GRID2: variants seen among roughly 807,000 people sequenced by gnomAD.
The protein encoded by GRID2 is glutamate receptor ionotropic, delta-2.
In GRID2, 33 loss-of-function variants were observed where a neutral mutation model predicts 114.8. The ratio of observed to expected loss-of-function variants is 0.29; its 90% CI spans 0.22 to 0.38. The LOEUF is 0.38. Among genes scored for constraint, GRID2 ranks in the 10% least tolerant of loss-of-function variants. The pLI is 1.00. For missense variants in GRID2, 1,184 were observed against 1,257.7 expected (o/e 0.94, Z 0.89); for synonymous variants, 505 against 449.9 (o/e 1.12, Z -1.55).
rs117623536 is a variant in GRID2, at chr4:93,700,373, C to T, written c.2361-68837C>T. On this transcript the variant is annotated intron_variant, in intron 14 of 15. Transcript: ENST00000282020. ...AATCTCTTGGGCAGCTTCAGTCTCA[C>T]TGTGAAGGATTCACTCTTGAACATT... is the stretch of plus-strand genomic sequence containing the variant. 1.0e-3 allele frequency among the ~76,000 whole-genome samples: 156 copies of T among 152,286 alleles called. No individual in the cohort carries two copies. The East Asian group carries it at 0.017, about 17-fold the overall frequency.
At chr4:92,688,038 T>C (rs201468199) in intron 2 of GRID2, among the ~76,000 whole-genome samples, 2,184 of 60,478 alleles carry the variant, frequency 0.036, 23 homozygotes, top group South Asian at 0.089. Context: ...CTTCTTCTTC[T>C]TTTTTTTTTT....
At chr4:93,058,661 C>CA (rs1560835661) in intron 2 of GRID2, among the ~76,000 whole-genome samples, 2 of 151,884 alleles carry the variant, frequency 1.3e-5, no homozygotes, top group African/African-American at 2.4e-5. Flanking sequence ...TCCAAACTCT[C>CA]AATTTTTAAG....
intron 9 of GRID2, among the ~76,000 whole-genome samples, chr4:93,411,520 C>A (rs143201928): frequency 6.6e-6 from 1 of 151,758 alleles, no homozygotes; most frequent in South Asian, 2.1e-4. Flanking sequence ...CTGCAACCTC[C>A]GCCTCCCGGG....
At chr4:93,639,806 T>G (rs1721699353) in intron 14 of GRID2, among the ~76,000 whole-genome samples, 1 of 12,338 alleles carries the variant, frequency 8.1e-5, no homozygotes, top group Non-Finnish European at 1.3e-4. Context: ...CTTTTTTGGT[T>G]CCATATGAAC....
intron 1 of GRID2, among the ~76,000 whole-genome samples, chr4:92,348,663 G>C (rs2110178209): frequency 6.6e-6 from 1 of 152,256 alleles, no homozygotes; most frequent in African/African-American, 2.4e-5. Flanking sequence ...CATTCATAAT[G>C]CATTGCAAAG....
intron 1 of GRID2, among the ~76,000 whole-genome samples, chr4:92,522,785 A>G (rs1209012489): frequency 6.6e-6 from 1 of 151,994 alleles, no homozygotes; most frequent in Non-Finnish European, 1.5e-5. Flanking sequence ...CAAGGCAATG[A>G]CAGGACAGGT....
At chr4:93,638,447 A>C (rs1721631669) in intron 14 of GRID2, among the ~76,000 whole-genome samples, 2 of 40,458 alleles carry the variant, frequency 4.9e-5, no homozygotes, top group Admixed American at 3.8e-4. Flanking sequence ...TCCCAATGCT[A>C]TCCCACCCCC....
intron 3 of GRID2, among the ~76,000 whole-genome samples, chr4:93,094,817 A>T (rs2149333180): frequency 6.6e-6 from 1 of 152,186 alleles, no homozygotes; most frequent in Admixed American, 6.6e-5. Flanking sequence ...ACTGATAATT[A>T]GCCAAAATTG....
At chr4:93,215,460 T>C (rs1219606742) in intron 5 of GRID2, among the ~76,000 whole-genome samples, 1 of 152,148 alleles carries the variant, frequency 6.6e-6, no homozygotes, top group Admixed American at 6.6e-5. Flanking sequence ...GTAGATTACA[T>C]AGAATTTAAA....
At chr4:92,945,032 T>C (rs749959543) in intron 2 of GRID2, among the ~76,000 whole-genome samples, 1 of 152,202 alleles carries the variant, frequency 6.6e-6, no homozygotes, top group Non-Finnish European at 1.5e-5. Flanking sequence ...TTCAGTTACA[T>C]TCAGTGGTGG....
Position 92,428,059 on chromosome 4 carries a change from A to G in GRID2, c.88+123315A>G, listed in dbSNP as rs541506936. ...GGGCGGATCATGAGGTCAGGAGATC[A>G]AGACCATCCTGGCTAACACGGTGAA... On this transcript the variant is annotated intron_variant, in intron 1 of 15. Coordinates refer to ENST00000282020, the MANE Select transcript of GRID2 (RefSeq NM_001510.4). 3.2e-3 allele frequency among the ~76,000 whole-genome samples: 485 copies of G among 152,032 alleles called. 4 individuals carry two copies. Among genetic ancestry groups the G allele is most frequent in the African/African-American group, 0.011 (448 of 41,492 alleles).
chr4:92,344,821 G>A (rs1436476781), intron 1 of GRID2, among the ~76,000 whole-genome samples: 1 of 152,154 alleles, frequency 6.6e-6, no homozygotes, highest in Non-Finnish European at 1.5e-5. Flanking sequence ...GCCATCTTCT[G>A]TTTATTAGAA....
intron 2 of GRID2, among the ~76,000 whole-genome samples, chr4:92,848,413 G>T (rs1743499988): frequency 6.6e-6 from 1 of 151,276 alleles, no homozygotes; most frequent in Admixed American, 6.6e-5. Flanking sequence ...ATTCATTATT[G>T]TTTCTACTCC....
chr4:92,860,134 T>C (rs1744434317), intron 2 of GRID2, among the ~76,000 whole-genome samples: 1 of 152,094 alleles, frequency 6.6e-6, no homozygotes, highest in Non-Finnish European at 1.5e-5. Context: ...GAGAAGTTAA[T>C]TTTTAAATTG....
chr4:93,471,698 A>ATTTTTTTTTTTTTTTTGTTTT (rs1724817264), intron 11 of GRID2, among the ~76,000 whole-genome samples: 2 of 61,002 alleles, frequency 3.3e-5, no homozygotes, highest in African/African-American at 1.8e-4. Flanking sequence ...CCTGAATTCA[A>ATTTTTTTTTTTTTTTTGTTTT]TTTTTTTTTT....
chr4:93,625,222 C>T (rs1215730632), intron 13 of GRID2, among the ~76,000 whole-genome samples: 2 of 152,354 alleles, frequency 1.3e-5, no homozygotes, highest in East Asian at 3.9e-4. Context: ...CCCAAGGCGT[C>T]AGTAGCTCTT....
chr4:92,547,450 C>G (rs913989242), intron 1 of GRID2, among the ~76,000 whole-genome samples: 3 of 152,070 alleles, frequency 2.0e-5, no homozygotes, highest in Admixed American at 1.3e-4. Flanking sequence ...TTGGAACAAA[C>G]TTAGTGAGAT....
intron 11 of GRID2, among the ~76,000 whole-genome samples, chr4:93,487,748 C>T (rs1041467503): frequency 6.6e-6 from 1 of 151,836 alleles, no homozygotes; most frequent in African/African-American, 2.4e-5. Flanking sequence ...GGGTTATTTT[C>T]TTCTCCAGGA....
chr4:93,778,231 T>G (rs1371097184), downstream of GRID2, among the ~76,000 whole-genome samples: 1 of 152,178 alleles, frequency 6.6e-6, no homozygotes, highest in Non-Finnish European at 1.5e-5. Flanking sequence ...ATAGTTAATA[T>G]TTAATTCCTT....
Sources: allele counts gnomAD v4.1 joint callset (sites outside exome capture counted in the v4.1 genomes callset), GRCh38; gene constraint gnomAD v4.1.1; transcripts MANE v1.5; gene names NCBI Gene and HGNC (gene_info 2026-07-23, HGNC 2026-07-21).